CAMKMT: variants seen among roughly 807,000 people sequenced by gnomAD.
The protein encoded by CAMKMT is CaM KMT.
Under a neutral mutation model 48.0 loss-of-function variants are expected in CAMKMT, and 53 were observed. The observed-to-expected ratio is 1.10, with a 90% CI of 0.89 to 1.39. The LOEUF (loss-of-function observed/expected upper bound fraction) is 1.39, where lower values mean the gene tolerates loss of function less well. CAMKMT is among the 40% of genes most tolerant of loss of function. CAMKMT has a pLI of 0.00. For missense variants in CAMKMT, 428 were observed against 402.7 expected (o/e 1.06, Z -0.54); for synonymous variants, 165 against 152.3 (o/e 1.08, Z -0.61).
intron 4 of CAMKMT, among the ~76,000 whole-genome samples, chr2:44,705,809 G>A (rs1209262431): frequency 6.6e-6 from 1 of 152,020 alleles, no homozygotes; most frequent in Non-Finnish European, 1.5e-5. Context: ...TAAAATTCAG[G>A]ATTGCATCTA....
intron 3 of CAMKMT, among the ~76,000 whole-genome samples, chr2:44,446,308 A>G (rs535222735): frequency 1.3e-5 from 2 of 152,136 alleles, no homozygotes; most frequent in Admixed American, 6.6e-5. Context: ...ATTCACTCTC[A>G]GAGCCTCCCA....
At chr2:44,612,054 G>C (rs760805322) in intron 3 of CAMKMT, among the ~76,000 whole-genome samples, 15 of 152,010 alleles carry the variant, frequency 9.9e-5, no homozygotes, top group Non-Finnish European at 1.6e-4. Context: ...TATCATCTGG[G>C]TAACTTTCTA....
chr2:44,579,467 G>T (rs141600272), intron 3 of CAMKMT, among the ~76,000 whole-genome samples: 1 of 152,152 alleles, frequency 6.6e-6, no homozygotes, highest in Non-Finnish European at 1.5e-5. Flanking sequence ...GAGAGGCAAA[G>T]CATTTTAATG....
chr2:44,567,733 A>G (rs1462681693), intron 3 of CAMKMT, among the ~76,000 whole-genome samples: 2 of 152,178 alleles, frequency 1.3e-5, no homozygotes, highest in Non-Finnish European at 2.9e-5. Flanking sequence ...TTGTCCTGTC[A>G]CGTCCTGCTA....
At chr2:44,737,593 T>A (rs998400982) in intron 7 of CAMKMT, among the ~76,000 whole-genome samples, 7 of 152,294 alleles carry the variant, frequency 4.6e-5, no homozygotes, top group Middle Eastern at 3.4e-3. Flanking sequence ...GAACACTCAC[T>A]ATTCCTGGCC....
intron 6 of CAMKMT, among the ~76,000 whole-genome samples, chr2:44,709,832 G>A (rs1677776247): frequency 6.6e-6 from 1 of 151,992 alleles, no homozygotes; most frequent in Non-Finnish European, 1.5e-5. Context: ...ACAAAAAAAG[G>A]GGGAGAAACA....
At chr2:44,518,638 GATATGTGGAAAAGCTA>G (rs1670951395) in intron 3 of CAMKMT, among the ~76,000 whole-genome samples, 3 of 152,254 alleles carry the variant, frequency 2.0e-5, no homozygotes, top group East Asian at 3.9e-4. Flanking sequence ...AAAAACCGAA[GATATGTGGAAAAGCTA>G]TTTCTCTCCC....
intron 3 of CAMKMT, among the ~76,000 whole-genome samples, chr2:44,563,521 C>G (rs747624746): frequency 4.7e-5 from 7 of 147,772 alleles, no homozygotes; most frequent in Admixed American, 1.4e-4. Flanking sequence ...ATGTGCACAA[C>G]GTGCAGGTTT....
At chr2:44,568,689 T>C (rs1486370130) in intron 3 of CAMKMT, among the ~76,000 whole-genome samples, 2 of 152,258 alleles carry the variant, frequency 1.3e-5, no homozygotes, top group East Asian at 3.9e-4. Context: ...GGGCACCTCA[T>C]GGACATGGCA....
At chr2:44,395,173 T>C (rs1292810255) in intron 3 of CAMKMT, 2 of 337,620 alleles carry the variant, frequency 5.9e-6, no homozygotes, top group South Asian at 2.3e-5. Flanking sequence ...TTTGGAATGT[T>C]GGTGAAATTA....
At chr2:44,442,605 T>A (rs1329351652) in intron 3 of CAMKMT, among the ~76,000 whole-genome samples, 1 of 152,174 alleles carries the variant, frequency 6.6e-6, no homozygotes, top group Non-Finnish European at 1.5e-5. Flanking sequence ...AGCTCTGTCT[T>A]CAAGGGCTCC....
At chr2:44,449,590 C>T (rs1558624643) in intron 3 of CAMKMT, among the ~76,000 whole-genome samples, 1 of 152,036 alleles carries the variant, frequency 6.6e-6, no homozygotes, top group Non-Finnish European at 1.5e-5. Context: ...TTATTTTTCA[C>T]ATATGCTTCT....
At chr2:44,561,985 T>C (rs1668349188) in intron 3 of CAMKMT, among the ~76,000 whole-genome samples, 1 of 152,094 alleles carries the variant, frequency 6.6e-6, no homozygotes, top group East Asian at 1.9e-4. Flanking sequence ...TTCCAAGTGA[T>C]GGTGATGGTG....
chr2:44,646,966 T>C (rs1673769285), intron 3 of CAMKMT, among the ~76,000 whole-genome samples: 1 of 152,234 alleles, frequency 6.6e-6, no homozygotes, highest in Non-Finnish European at 1.5e-5. Context: ...AGGGAAAGTA[T>C]ATTTTTCTGC....
At chr2:44,381,662 TTAA>T (rs1470310112) in intron 2 of CAMKMT, among the ~76,000 whole-genome samples, 2 of 152,180 alleles carry the variant, frequency 1.3e-5, no homozygotes, top group South Asian at 2.1e-4. Flanking sequence ...GGGATATTAC[TTAA>T]TGATGTGGGA....
chr2:44,504,960 A>C lies in CAMKMT; in HGVS notation c.376+114655A>C, dbSNP rs144910629. Among the ~76,000 whole-genome samples the C allele has an allele frequency of 6.3e-4, 96 of 152,298 alleles. 1 individual carries two copies. The highest frequency in any genetic ancestry group is 2.1e-3 in the African/African-American group (89 of 41,550). On this transcript the variant is annotated intron_variant, in intron 3 of 10. Coordinates refer to ENST00000378494, the MANE Select transcript of CAMKMT (RefSeq NM_024766.5). ...CTCCAGCTGCTTCCACTCATGGCAG[A>C]AGGCAAAGGGGAGCCAGTGTGCACA... is the stretch of plus-strand genomic sequence containing the variant.
chr2:44,467,981 C>T (rs1668211050), intron 3 of CAMKMT, among the ~76,000 whole-genome samples: 1 of 151,936 alleles, frequency 6.6e-6, no homozygotes, highest in Admixed American at 6.6e-5. Flanking sequence ...AAAACATAGG[C>T]AACAAAAGCA....
intron 3 of CAMKMT, among the ~76,000 whole-genome samples, chr2:44,436,537 C>T (rs1233207791): frequency 6.6e-6 from 1 of 151,324 alleles, no homozygotes; most frequent in African/African-American, 2.4e-5. Context: ...GTTTTGAGGA[C>T]CACACAGGGT....
intron 3 of CAMKMT, among the ~76,000 whole-genome samples, chr2:44,447,766 G>C (rs756659526): frequency 2.6e-5 from 4 of 152,176 alleles, no homozygotes; most frequent in African/African-American, 9.6e-5. Context: ...TCCTTCTGTA[G>C]GTAGGGGCAG....
Sources: gnomAD v4.1 joint callset for allele counts (sites outside exome capture counted in the v4.1 genomes callset) on GRCh38, gnomAD v4.1.1 for gene constraint, MANE v1.5 for transcripts, NCBI Gene and HGNC (gene_info 2026-07-23, HGNC 2026-07-21) for gene names.